Variants in MIOS observed in about 807,000 individuals in gnomAD.
MIOS encodes the protein GATOR2 complex protein MIOS.
MIOS carries 52 observed loss-of-function variants against 96.9 expected under a neutral mutation model. That is an observed-to-expected ratio of 0.54 (90% CI 0.43 to 0.68). The LOEUF (loss-of-function observed/expected upper bound fraction) is 0.68, where lower values mean the gene tolerates loss of function less well. Ranked by LOEUF, MIOS falls within the 30% of genes least tolerant of loss-of-function variation. The probability of loss-of-function intolerance (pLI) is 0.00; values close to 1 mark genes in which losing one functional copy is unlikely to be tolerated. For synonymous variants in MIOS, 397 were observed against 359.5 expected (o/e 1.10, Z -1.18); for missense variants, 1,005 against 1,052.8 (o/e 0.95, Z 0.63).
At chr7:7,585,896 A>T (rs1783872271) in intron 7 of MIOS, 91 bp downstream of exon 7, 1 of 1,189,592 alleles carries the variant, frequency 8.4e-7, no homozygotes, top group Non-Finnish European at 1.1e-6. Flanking sequence ...CTGTTGCATA[A>T]AATATTATAT....
At chr7:7,597,856 G>A (rs1784262777) in intron 11 of MIOS, among the ~76,000 whole-genome samples, 2 of 151,936 alleles carry the variant, frequency 1.3e-5, no homozygotes, top group African/African-American at 4.8e-5. Flanking sequence ...GGGACCATAG[G>A]GTTTCACCCT....
rs67950127 is a variant in MIOS at position 7,593,895 on chromosome 7, AG to A, written c.2044-1084del. On this transcript the variant is annotated intron_variant, in intron 9 of 12. Coordinates refer to ENST00000340080, the MANE Select transcript of MIOS (RefSeq NM_019005.4). ...CTCTGTCTCCAAAAAAAAAAAAAAAAGAAAAAGAAAAGAAAAAAAGAAAACC... is the reference window on the plus strand; with the variant it reads ...CTCTGTCTCCAAAAAAAAAAAAAAAAAAAAAGAAAAGAAAAAAAGAAAACC... 1.4e-3 allele frequency among the ~76,000 whole-genome samples: 130 copies of A among 93,370 alleles called. 12 individuals are homozygous for A. Among genetic ancestry groups the A allele is most frequent in the Middle Eastern group, 0.01 (2 of 198 alleles). 61.3% of individuals were successfully genotyped at this position (93,370 alleles called of 152,430 possible).
Position 7,605,910 on chromosome 7 carries a change from T to C in MIOS, c.2402-32T>C, listed in dbSNP as rs75457577. The stretch of plus-strand genomic sequence containing the variant: ...TAACTTTAAATAAAATATTATGATA[T>C]AGTTAATGAAGATCATTTTATTTTG... On this transcript the variant is annotated intron_variant, in intron 11 of 12. Coordinates refer to ENST00000340080, the MANE Select transcript of MIOS (RefSeq NM_019005.4). The C allele has an allele frequency of 9.3e-3, 14,671 of 1,584,858 alleles. 236 individuals carry two copies. The highest frequency in any genetic ancestry group is 0.048 in the South Asian group (4,257 of 88,520).
intron 11 of MIOS, among the ~76,000 whole-genome samples, chr7:7,602,874 A>G (rs1397208036): frequency 3.9e-5 from 6 of 152,158 alleles, no homozygotes; most frequent in South Asian, 4.1e-4. Flanking sequence ...AAACAGAGAT[A>G]TAGACCAATG....
rs1462456549 is a variant in MIOS at position 7,588,497 on chromosome 7, G to T, written c.1819-1G>T. 1.3e-6 allele frequency: 2 copies of T among 1,571,184 alleles called. No homozygotes were observed. The highest frequency in any genetic ancestry group is 1.7e-6 in the Non-Finnish European group (2 of 1,156,628). On this transcript the variant is annotated splice_acceptor_variant, in intron 7 of 12. Coordinates refer to ENST00000340080, the MANE Select transcript of MIOS (RefSeq NM_019005.4). LOFTEE classifies it high-confidence loss of function. ...CTCCTTGCTTTTTCTCTTCTTTCCA[G>T]TATGAAAACAAAGTTGCAGTACGTG... is the stretch of plus-strand genomic sequence containing the variant.
At chr7:7,592,774 A>G (rs1280192666) in intron 9 of MIOS, among the ~76,000 whole-genome samples, 1 of 152,144 alleles carries the variant, frequency 6.6e-6, no homozygotes, top group East Asian at 1.9e-4. Context: ...CTCAGGCACT[A>G]ATGTGAGGGA....
intron 3 of MIOS, among the ~76,000 whole-genome samples, chr7:7,570,013 A>G (rs1204863598): frequency 2.1e-5 from 3 of 142,058 alleles, no homozygotes; most frequent in African/African-American, 7.9e-5. Flanking sequence ...GAAGACCATT[A>G]GAGGGTTTTA....
chr7:7,582,537 C>A (rs1023039492), intron 5 of MIOS: 92 of 529,138 alleles, frequency 1.7e-4, no homozygotes, highest in Non-Finnish European at 2.1e-4. Flanking sequence ...GGAAAAATAG[C>A]CCTCAAGTTA....
At chr7:7,583,873 C>A (rs969186198) in intron 6 of MIOS, among the ~76,000 whole-genome samples, 5 of 152,070 alleles carry the variant, frequency 3.3e-5, no homozygotes, top group African/African-American at 1.2e-4. Flanking sequence ...CTTCTTGAAT[C>A]TGGTGATTAA....
chr7:7,599,188 C>T (rs1784299640), intron 11 of MIOS, among the ~76,000 whole-genome samples: 1 of 152,084 alleles, frequency 6.6e-6, no homozygotes, highest in South Asian at 2.1e-4. Flanking sequence ...ACGGTAATCT[C>T]ATTTGACCAC....
In MIOS at chr7:7,574,156, G is replaced by A; in HGVS notation, c.1353G>A (p.Leu451=). 1 of 1,610,288 alleles carries A rather than the reference G, an allele frequency of 6.2e-7. No individual in the cohort carries two copies. The highest frequency in any genetic ancestry group is 1.1e-5 in the South Asian group (1 of 90,642). The stretch of plus-strand genomic sequence containing the variant: ...AATCTCCAGGCAACAAAGGATCATT[G>A]GTTTATGCAGGAATTAAATCAATTG... ...DQKSPGNKGS[L]VYAGIKSIVK... is the part of the protein sequence containing the mutation. The change falls in exon 5 of 13, where the codon TTG becomes TTA. Residue 451 remains leucine, a synonymous_variant. Coordinates refer to ENST00000340080, the MANE Select transcript of MIOS (RefSeq NM_019005.4).
At chr7:7,597,517 T>TATATATATATATATATATAAAAA (rs372634070) in intron 11 of MIOS, among the ~76,000 whole-genome samples, 1 of 70,428 alleles carries the variant, frequency 1.4e-5, no homozygotes, top group Non-Finnish European at 2.7e-5. Flanking sequence ...TATATATATA[T>TATATATATATATATATATAAAAA]GAAGGCAATA....
Position 7,572,695 on chromosome 7 carries a change from C to T in MIOS, c.220C>T (p.Pro74Ser), listed in dbSNP as rs747734163. The part of the protein sequence containing the change: ...KCVAWYLNYD[P>S]ECLLAVGQAN... ...TGTTGCCTGGTATCTTAATTATGAT[C>T]CTGAATGTCTGCTGGCAGTTGGACA... is the stretch of plus-strand genomic sequence containing the variant. The change falls in exon 4 of 13, where the codon CCT becomes TCT. Residue 74 changes from proline (P) to serine (S), a missense_variant. By Grantham distance (74) the Pro-to-Ser change is moderately conservative. Around this residue, in one of 3 missense-constraint regions of MIOS, gnomAD observed 137 missense variants for 148.6 expected, o/e 0.92. Coordinates refer to ENST00000340080, the MANE Select transcript of MIOS (RefSeq NM_019005.4). This position sits in a 1 kb window ranked among gnomAD's most constrained non-coding sequence, Gnocchi z 4.8. The T allele has an allele frequency of 6.2e-7, 1 of 1,614,126 alleles. No homozygotes were observed. The highest frequency in any genetic ancestry group is 1.1e-5 in the South Asian group (1 of 91,074).
chr7:7,605,907 ATATAGT>A, intron 11 of MIOS, 29 bp from the exon 12 acceptor site: 1 of 1,577,620 alleles, frequency 6.3e-7, no homozygotes. Flanking sequence ...AAATATTATG[ATATAGT>A]TAATGAAGAT....
intron 11 of MIOS, among the ~76,000 whole-genome samples, chr7:7,598,876 A>G (rs1457776705): frequency 6.6e-6 from 1 of 152,154 alleles, no homozygotes. Context: ...GGTTTATCAA[A>G]TATTAACATT....
chr7:7,598,407 G>T (rs1236513832), intron 11 of MIOS, among the ~76,000 whole-genome samples: 1 of 151,984 alleles, frequency 6.6e-6, no homozygotes, highest in East Asian at 1.9e-4. Flanking sequence ...CCATCTAGAT[G>T]CTTTTTTTAA....
intron 3 of MIOS, among the ~76,000 whole-genome samples, chr7:7,571,264 T>A (rs1224528147): frequency 1.3e-5 from 2 of 152,252 alleles, no homozygotes; most frequent in Non-Finnish European, 2.9e-5. Flanking sequence ...ACACCATTTT[T>A]AACTATAGCT....
chr7:7,580,493 A>G (rs574704683), intron 5 of MIOS, among the ~76,000 whole-genome samples: 1 of 152,250 alleles, frequency 6.6e-6, no homozygotes, highest in African/African-American at 2.4e-5. Context: ...TTATTTAACT[A>G]ATTTTTGTAT....
chr7:7,608,583 T>C lies in MIOS; in HGVS notation c.*1491T>C, dbSNP rs1306276450. The C allele has an allele frequency of 1.3e-5, 2 of 152,042 alleles. No individual in the cohort carries two copies. The highest frequency in any genetic ancestry group is 6.6e-5 in the Admixed American group (1 of 15,248). 9.4% of individuals were successfully genotyped at this position (152,042 alleles called of 1,614,324 possible). A position where few individuals can be genotyped will look rare whatever the true frequency, so the allele number is the denominator to read the frequency against. Reference sequence around the variant, plus strand: ...TGCAATTTTTTTTTAAAGATTGCTATTAAGGGTACTTTTTCCAGCCTTCAT... The same window carrying C: ...TGCAATTTTTTTTTAAAGATTGCTACTAAGGGTACTTTTTCCAGCCTTCAT... On this transcript the variant is annotated 3_prime_UTR_variant, in exon 13 of 13. Transcript: ENST00000340080.
Sources: gnomAD v4.1 joint callset for allele counts (sites outside exome capture counted in the v4.1 genomes callset) on GRCh38, gnomAD v4.1.1 for gene constraint, gnomAD v4.1.1 regional missense constraint, Gnocchi (gnomAD v3.1) non-coding constraint, MANE v1.5 for transcripts, NCBI Gene and HGNC (gene_info 2026-07-23, HGNC 2026-07-21) for gene names.